MYO5B: variants seen among roughly 807,000 people sequenced by gnomAD.
MYO5B encodes unconventional myosin-Vb.
In MYO5B, 143 loss-of-function variants were observed where a neutral mutation model predicts 229.3. The ratio of observed to expected loss-of-function variants is 0.62; its 90% CI spans 0.54 to 0.72. MYO5B has a LOEUF of 0.72. Among genes scored for constraint, MYO5B ranks in the 30% least tolerant of loss-of-function variants. The pLI, the probability that MYO5B is intolerant of heterozygous loss-of-function variation, is 0.00. For synonymous variants in MYO5B, 918 were observed against 885.2 expected (o/e 1.04, Z -0.66); for missense variants, 2,321 against 2,331.0 (o/e 1.00, Z 0.09).
At chr18:50,038,915 T>G (rs1220369787) in intron 3 of MYO5B, among the ~76,000 whole-genome samples, 2 of 152,220 alleles carry the variant, frequency 1.3e-5, no homozygotes, top group African/African-American at 4.8e-5. Flanking sequence ...CACCAGCAGT[T>G]GGAGTGAAGG....
Position 50,051,260 on chromosome 18 carries a change from G to A in MYO5B, c.138+4008C>T, listed in dbSNP as rs370163644. Reference sequence around the variant, plus strand: ...GCCCTGGCCCTCCAAATGTCAGGGTGGGCTTGGAAATACTGAGACGGTAGA... The same window carrying A: ...GCCCTGGCCCTCCAAATGTCAGGGTAGGCTTGGAAATACTGAGACGGTAGA... On this transcript the variant is annotated intron_variant, in intron 2 of 39. Transcript: ENST00000285039. Among the ~76,000 whole-genome samples the A allele has an allele frequency of 8.5e-5, 13 of 152,286 alleles. No individual in the cohort carries two copies. The South Asian group carries it at 1.9e-3, about 22-fold the overall frequency.
chr18:50,099,689 G>A (rs2031617858), intron 1 of MYO5B, among the ~76,000 whole-genome samples: 1 of 152,202 alleles, frequency 6.6e-6, no homozygotes, highest in Non-Finnish European at 1.5e-5. Flanking sequence ...CTGCTTTTAA[G>A]TGGTGGGGAT....
At chr18:49,859,216 A>G (rs757655054) in intron 29 of MYO5B, among the ~76,000 whole-genome samples, 3 of 152,228 alleles carry the variant, frequency 2.0e-5, no homozygotes, top group Non-Finnish European at 4.4e-5. Flanking sequence ...CTTTACGGGT[A>G]AAGTGAAAGT....
At chr18:49,876,871 C>T (rs2024529576) in intron 25 of MYO5B, among the ~76,000 whole-genome samples, 1 of 152,240 alleles carries the variant, frequency 6.6e-6, no homozygotes, top group African/African-American at 2.4e-5. Flanking sequence ...CTCCAGCATT[C>T]TCTATTGCTG....
intron 12 of MYO5B, among the ~76,000 whole-genome samples, chr18:49,961,202 A>G (rs2025555332): frequency 6.6e-6 from 1 of 152,164 alleles, no homozygotes; most frequent in Admixed American, 6.5e-5. Context: ...TCTAGGGACA[A>G]TTGTTTTACC....
chr18:49,930,556 C>A (rs2025178298), intron 16 of MYO5B, among the ~76,000 whole-genome samples: 1 of 152,010 alleles, frequency 6.6e-6, no homozygotes, highest in Non-Finnish European at 1.5e-5. Context: ...CCAAAAGAAG[C>A]CAGAGAGCAA....
chr18:49,946,830 TA>T (rs2025378775), intron 14 of MYO5B, among the ~76,000 whole-genome samples: 1 of 436 alleles, frequency 2.3e-3, no homozygotes, highest in South Asian at 0.17. Context: ...CAAAAGGAGG[TA>T]CCAGTATGCT....
chr18:49,918,555 T>C (rs1209599080), intron 17 of MYO5B, among the ~76,000 whole-genome samples: 2 of 152,212 alleles, frequency 1.3e-5, no homozygotes, highest in Non-Finnish European at 2.9e-5. Flanking sequence ...GGAGGATTCC[T>C]GGTCACATGG....
rs759461762 is a variant in MYO5B, at chr18:49,906,539, C to T, written c.2294G>A (p.Arg765Gln). The T allele has an allele frequency of 1.5e-5, 24 of 1,614,148 alleles. No individual in the cohort carries two copies. Among genetic ancestry groups the T allele is most frequent in the Admixed American group, 1.2e-4 (7 of 60,010 alleles). The part of the protein sequence containing the change: ...YLEKLRADKF[R>Q]TATIMIQKTV... ...TTTCTGGATCATGATGGTGGCTGTC[C>T]GGAACTTGTCAGCCCGCAGCTTCTC... is the stretch of plus-strand genomic sequence containing the variant. Residue 765 changes from arginine (R) to glutamine (Q), a missense_variant, in exon 19 of 40, where the codon CGG becomes CAG. By Grantham distance (43) the Arg-to-Gln change is conservative. Coordinates refer to ENST00000285039, the MANE Select transcript of MYO5B (RefSeq NM_001080467.3).
At chr18:49,900,091 T>G (rs544410263) in intron 21 of MYO5B, among the ~76,000 whole-genome samples, 3 of 152,234 alleles carry the variant, frequency 2.0e-5, no homozygotes, top group East Asian at 1.9e-4. Flanking sequence ...GGAGCCAGCA[T>G]GTACACAGGG....
chr18:50,184,304 T>C (rs1175107749), intron 1 of MYO5B, among the ~76,000 whole-genome samples: 1 of 152,062 alleles, frequency 6.6e-6, no homozygotes, highest in Non-Finnish European at 1.5e-5. Flanking sequence ...CCACCTGCCG[T>C]TCTTTCTGCA....
intron 7 of MYO5B, among the ~76,000 whole-genome samples, chr18:49,987,304 G>A (rs1303229245): frequency 2.0e-5 from 3 of 152,118 alleles, no homozygotes; most frequent in South Asian, 2.1e-4. Flanking sequence ...TTCCATATGC[G>A]TTAAGGTCTG....
At chr18:49,916,533 T>C (rs1490899270) in intron 17 of MYO5B, among the ~76,000 whole-genome samples, 1 of 152,216 alleles carries the variant, frequency 6.6e-6, no homozygotes, top group Non-Finnish European at 1.5e-5. Flanking sequence ...TTCTCTTGTT[T>C]CCTGCCTAAG....
chr18:49,879,550 A>T (rs1451917712), intron 23 of MYO5B: 2 of 216,042 alleles, frequency 9.3e-6, no homozygotes, highest in Non-Finnish European at 1.9e-5. Context: ...GCCAAAACTT[A>T]TTCACATTAA....
chr18:50,119,939 G>GA (rs1260742328), intron 1 of MYO5B, among the ~76,000 whole-genome samples: 1 of 152,172 alleles, frequency 6.6e-6, no homozygotes, highest in Non-Finnish European at 1.5e-5. Flanking sequence ...AACCAAGAGA[G>GA]AGGGGCAGCC....
At chr18:49,837,950 G>A (rs1331420954) in intron 36 of MYO5B, 148 bp from the exon 37 acceptor site, 86 of 1,057,874 alleles carry the variant, frequency 8.1e-5, no homozygotes, top group Non-Finnish European at 1.2e-4. Flanking sequence ...TATAACATTT[G>A]GCAAAAAATT....
intron 17 of MYO5B, among the ~76,000 whole-genome samples, chr18:49,916,706 C>T (rs1399348041): frequency 6.6e-6 from 1 of 152,058 alleles, no homozygotes; most frequent in African/African-American, 2.4e-5. Flanking sequence ...AGGGTGGGGA[C>T]ACCCTCAGGA....
rs902370052 is a variant in MYO5B at position 49,879,478 on chromosome 18, A to G, written c.3131-388T>C. 2.9e-5 allele frequency: 8 copies of G among 275,884 alleles called. No homozygotes were observed. The South Asian group carries it at 3.2e-4, about 11-fold the overall frequency. The allele number at this position is 275,884 out of a possible 1,614,324, so 17.1% of individuals were successfully genotyped here. ...TCTTTCAGTTCTTAGGAGTGCAGGG[A>G]GATTAAAGGCGACTGGGGTAAAAGG... On this transcript the variant is annotated intron_variant, in intron 23 of 39. Transcript: ENST00000285039.
In MYO5B at chr18:49,901,132, C is replaced by G. The variant is rs988856888; in HGVS notation, c.2811+1462G>C. On this transcript the variant is annotated intron_variant, in intron 21 of 39. Coordinates refer to ENST00000285039, the MANE Select transcript of MYO5B (RefSeq NM_001080467.3). The stretch of plus-strand genomic sequence containing the variant: ...CAGGTGCTTGGAAAATCCTTAGGAT[C>G]AATGCTGTTCAGCCTGTTGGCATGC... Among the ~76,000 whole-genome samples, 3 of 152,210 alleles carry G rather than the reference C, an allele frequency of 2.0e-5. No homozygotes were observed. In the South Asian group the frequency reaches 6.2e-4, roughly 32 times the overall value.
Sources: allele counts gnomAD v4.1 joint callset (sites outside exome capture counted in the v4.1 genomes callset), GRCh38; gene constraint gnomAD v4.1.1; transcripts MANE v1.5; gene names NCBI Gene and HGNC (gene_info 2026-07-23, HGNC 2026-07-21).